Variants in USP34 observed in about 807,000 individuals in gnomAD.
USP34 encodes the protein ubiquitin carboxyl-terminal hydrolase 34.
Under a neutral mutation model 460.3 loss-of-function variants are expected in USP34, and 70 were observed. The ratio of observed to expected loss-of-function variants is 0.15; its 90% confidence interval spans 0.13 to 0.19. The LOEUF is 0.19. Ranked by LOEUF, USP34 falls within the 10% of genes least tolerant of loss-of-function variation. The pLI, the probability that USP34 is intolerant of heterozygous loss-of-function variation, is 1.00. For missense variants in USP34, 3,985 were observed against 4,236.2 expected (o/e 0.94, Z 1.65); for synonymous variants, 1,647 against 1,405.3 (o/e 1.17, Z -3.85).
chr2:61,352,002 C>G (rs746261523), intron 10 of USP34, among the ~76,000 whole-genome samples: 11 of 152,110 alleles, frequency 7.2e-5, no homozygotes, highest in Non-Finnish European at 1.2e-4. Flanking sequence ...TTAAGTATCC[C>G]CTATCTGAAA....
chr2:61,459,168 A>G (rs1171082573), intron 1 of USP34, among the ~76,000 whole-genome samples: 1 of 152,228 alleles, frequency 6.6e-6, no homozygotes, highest in African/African-American at 2.4e-5. Flanking sequence ...TTCCACAGTC[A>G]GGGTCCTCTT....
chr2:61,348,708 C>T, intron 14 of USP34, 48 bp downstream of exon 14: 1 of 1,581,656 alleles, frequency 6.3e-7, no homozygotes, highest in South Asian at 1.2e-5. Context: ...GATAAACACG[C>T]CAGAAAGCCA....
At chr2:61,459,251 A>G (rs1695527126) in intron 1 of USP34, among the ~76,000 whole-genome samples, 1 of 152,222 alleles carries the variant, frequency 6.6e-6, no homozygotes, top group Admixed American at 6.5e-5. Context: ...AAGCACAACT[A>G]AATTCTAGTC....
intron 27 of USP34, 60 bp downstream of exon 27, chr2:61,311,480 G>A (rs66471684): frequency 1.2e-4 from 66 of 528,788 alleles, no homozygotes; most frequent in East Asian, 2.0e-4. Flanking sequence ...AAGAGAAAGA[G>A]AAAGAGAAAA....
At chr2:61,196,230 G>A (rs1375042043) in intron 75 of USP34, among the ~76,000 whole-genome samples, 6 of 150,492 alleles carry the variant, frequency 4.0e-5, no homozygotes, top group Non-Finnish European at 8.9e-5. Context: ...ACAGGTGCCC[G>A]CCACCATGCC....
rs1171014468 is a variant in USP34, at chr2:61,470,781, GGGCCGGCC to G, written c.-97_-90del. 5.8e-6 allele frequency: 7 copies of G among 1,198,024 alleles called. No individual in the cohort carries two copies. The highest frequency in any genetic ancestry group is 2.2e-5 in the Admixed American group (1 of 46,306). 74.2% of individuals were successfully genotyped at this position (1,198,024 alleles called of 1,614,324 possible). On this transcript the variant is annotated 5_prime_UTR_variant, in exon 1 of 80. Coordinates refer to ENST00000398571, the MANE Select transcript of USP34 (RefSeq NM_014709.4). ...GGGGAGGGGAGAGAGGCGGAGGAGG[GGGCCGGCC>G]GGCCGGCGGGGCGGGGAGGCGACTA... is the stretch of plus-strand genomic sequence containing the variant.
intron 21 of USP34, among the ~76,000 whole-genome samples, chr2:61,321,403 G>A (rs1690917817): frequency 6.6e-6 from 1 of 152,140 alleles, no homozygotes; most frequent in Admixed American, 6.5e-5. Flanking sequence ...CCTGGGAGGT[G>A]GAGGTTGCAG....
At chr2:61,196,024 AGTC>A (rs1686793582) in intron 75 of USP34, among the ~76,000 whole-genome samples, 1 of 143,356 alleles carries the variant, frequency 7.0e-6, no homozygotes, top group Non-Finnish European at 1.5e-5. Flanking sequence ...CTCCCAGCTC[AGTC>A]TCCTGAGTAG....
chr2:61,353,485 A>G (rs1343100012), intron 10 of USP34, among the ~76,000 whole-genome samples: 1 of 148,294 alleles, frequency 6.7e-6, no homozygotes, highest in Non-Finnish European at 1.5e-5. Context: ...TGTGCCTCCC[A>G]GGTTCAAGTG....
At chr2:61,208,640 A>AAAC in intron 70 of USP34, 1 of 225,860 alleles carries the variant, frequency 4.4e-6, no homozygotes, top group Non-Finnish European at 8.6e-6. Flanking sequence ...CAAATGAATA[A>AAAC]AACTAGTCTA....
At chr2:61,319,867 A>C (rs1021691951) in intron 21 of USP34, among the ~76,000 whole-genome samples, 1 of 152,126 alleles carries the variant, frequency 6.6e-6, no homozygotes, top group African/African-American at 2.4e-5. Context: ...AAAATTCACT[A>C]AACTTTCTTA....
At chr2:61,318,141 C>T (rs1282620338) in intron 22 of USP34, among the ~76,000 whole-genome samples, 2 of 142,936 alleles carry the variant, frequency 1.4e-5, no homozygotes, top group South Asian at 4.4e-4. Flanking sequence ...TACAGTGAGA[C>T]GTGATCACAC....
chr2:61,278,168 T>C lies in USP34; in HGVS notation c.5430A>G (p.Gly1810=). The change falls in exon 41 of 80, where the codon GGA becomes GGG. Residue 1810 remains glycine, a synonymous_variant. Coordinates refer to ENST00000398571, the MANE Select transcript of USP34 (RefSeq NM_014709.4). ...HKPPFKFSRE[G]QEFLRDIFNL... is the part of the protein sequence containing the mutation. Reference sequence around the variant, plus strand: ...ATTTGATTATCTTAACACTTACCTGTCCTTCCCTTGAAAATTTAAAGGGTG... The same window carrying C: ...ATTTGATTATCTTAACACTTACCTGCCCTTCCCTTGAAAATTTAAAGGGTG... 1.2e-6 allele frequency: 2 copies of C among 1,612,672 alleles called. No individual in the cohort carries two copies. The highest frequency in any genetic ancestry group is 8.5e-7 in the Non-Finnish European group (1 of 1,179,236).
Position 61,405,772 on chromosome 2 carries a change from T to G in USP34, c.488A>C (p.Lys163Thr). ...EKEKLLLCVA[K>T]IFQIQFPLYT... is the part of the protein sequence containing the mutation. ...TAAGGGAAACTGAATTTGAAAAATT[T>G]TTGCCACACATAGTAAGAGTTTTTC... is the stretch of plus-strand genomic sequence containing the variant. The change falls in exon 3 of 80, where the codon AAA becomes ACA. Residue 163 changes from lysine to threonine, a missense_variant. Around this residue, in one of 14 missense-constraint regions of USP34, gnomAD observed 331 missense variants for 293.7 expected, o/e 1.13. Transcript: ENST00000398571. The G allele has an allele frequency of 6.2e-7, 1 of 1,602,646 alleles. No homozygotes were observed. Among genetic ancestry groups the G allele is most frequent in the Non-Finnish European group, 8.5e-7 (1 of 1,176,814 alleles).
At chr2:61,224,966 G>A (rs1193205708) in intron 62 of USP34, among the ~76,000 whole-genome samples, 5 of 152,080 alleles carry the variant, frequency 3.3e-5, no homozygotes, top group African/African-American at 9.7e-5. Flanking sequence ...GTAACTAGTC[G>A]TTTTTCCAAG....
At chr2:61,411,786 G>A (rs1198730963) in intron 2 of USP34, among the ~76,000 whole-genome samples, 1 of 152,134 alleles carries the variant, frequency 6.6e-6, no homozygotes, top group African/African-American at 2.4e-5. Flanking sequence ...TGACCACAGA[G>A]GCCTTCAAAT....
At chr2:61,421,797 A>AGG (rs1694366032) in intron 1 of USP34, among the ~76,000 whole-genome samples, 1 of 147,300 alleles carries the variant, frequency 6.8e-6, no homozygotes, top group Admixed American at 6.7e-5. Context: ...ACACACACAC[A>AGG]CGCGCGCGCG....
chr2:61,279,122 T>C (rs978264638), intron 39 of USP34, among the ~76,000 whole-genome samples: 2 of 151,898 alleles, frequency 1.3e-5, no homozygotes, highest in Non-Finnish European at 2.9e-5. Flanking sequence ...AAGTACAATG[T>C]TTATTTGGCA....
chr2:61,388,438 T>A (rs1572993232), intron 5 of USP34, among the ~76,000 whole-genome samples: 2 of 126,014 alleles, frequency 1.6e-5, no homozygotes, highest in Non-Finnish European at 1.7e-5. Flanking sequence ...CGAGGGGATG[T>A]GGGGGTACAG....
Sources: allele counts gnomAD v4.1 joint callset (sites outside exome capture counted in the v4.1 genomes callset), GRCh38; gene constraint gnomAD v4.1.1; regional missense constraint gnomAD v4.1.1; transcripts MANE v1.5; gene names NCBI Gene and HGNC (gene_info 2026-07-23, HGNC 2026-07-21).